SLIT3: variants seen among roughly 807,000 people sequenced by gnomAD.
SLIT3 encodes slit guidance ligand 3.
SLIT3 carries 68 observed loss-of-function variants against 184.0 expected under a neutral mutation model. The observed-to-expected ratio is 0.37, with a 90% CI of 0.30 to 0.45. The LOEUF is 0.45. Ranked by LOEUF, SLIT3 falls within the 20% of genes least tolerant of loss-of-function variation. The pLI is 1.00. For synonymous variants in SLIT3, 831 were observed against 828.6 expected (o/e 1.00, Z -0.05); for missense variants, 1,707 against 2,026.0 (o/e 0.84, Z 3.02).
At chr5:168,808,538 T>C (rs1757055253) in intron 8 of SLIT3, among the ~76,000 whole-genome samples, 1 of 152,148 alleles carries the variant, frequency 6.6e-6, no homozygotes, top group African/African-American at 2.4e-5. Flanking sequence ...CGGCACAGGG[T>C]AAGAGTTTGG....
At chr5:168,907,162 G>A (rs1761080084) in intron 4 of SLIT3, among the ~76,000 whole-genome samples, 1 of 152,088 alleles carries the variant, frequency 6.6e-6, no homozygotes, top group Admixed American at 6.6e-5. Flanking sequence ...CGCCCAGCTG[G>A]GATTTTTTTA....
At chr5:168,948,899 T>G in intron 4 of SLIT3, among the ~76,000 whole-genome samples, 1 of 152,184 alleles carries the variant, frequency 6.6e-6, no homozygotes, top group East Asian at 1.9e-4. Context: ...TCCTTTCTGG[T>G]CATCTGCTGA....
chr5:169,275,433 T>C (rs953834030), intron 1 of SLIT3, among the ~76,000 whole-genome samples: 1 of 152,202 alleles, frequency 6.6e-6, no homozygotes, highest in Non-Finnish European at 1.5e-5. Flanking sequence ...CTAGCTGCAG[T>C]GTCAGAGGGC....
At chr5:169,087,215 T>C (rs1396636902) in intron 4 of SLIT3, among the ~76,000 whole-genome samples, 1 of 152,188 alleles carries the variant, frequency 6.6e-6, no homozygotes, top group Non-Finnish European at 1.5e-5. Context: ...GGAGGCATCC[T>C]GCAGGGGGTG....
intron 8 of SLIT3, among the ~76,000 whole-genome samples, chr5:168,815,274 G>C (rs573026197): frequency 1.8e-3 from 273 of 152,346 alleles, no homozygotes; most frequent in African/African-American, 6.4e-3. Flanking sequence ...TGGAGGGTCA[G>C]CCTTTCTCCC....
intron 5 of SLIT3, among the ~76,000 whole-genome samples, chr5:168,863,494 T>G (rs1033293195): frequency 1.3e-5 from 2 of 152,212 alleles, no homozygotes; most frequent in Non-Finnish European, 2.9e-5. Context: ...ATACAAATAA[T>G]TCCCCTCATT....
chr5:169,015,673 A>G (rs1756335117), intron 4 of SLIT3, among the ~76,000 whole-genome samples: 1 of 152,090 alleles, frequency 6.6e-6, no homozygotes, highest in Non-Finnish European at 1.5e-5. Context: ...ATTCATGCTT[A>G]TAATCTCAGT....
chr5:168,814,297 G>A (rs1181599928), intron 8 of SLIT3, among the ~76,000 whole-genome samples: 1 of 152,168 alleles, frequency 6.6e-6, no homozygotes, highest in African/African-American at 2.4e-5. Context: ...TCAGGAGGCT[G>A]AGGCAGGAGA....
intron 4 of SLIT3, among the ~76,000 whole-genome samples, chr5:169,099,453 G>A (rs1459674741): frequency 6.6e-6 from 1 of 152,066 alleles, no homozygotes; most frequent in Non-Finnish European, 1.5e-5. Context: ...TAGACACTGG[G>A]GATGCAAAAA....
intron 4 of SLIT3, among the ~76,000 whole-genome samples, chr5:168,887,883 A>G (rs1391897237): frequency 2.0e-5 from 3 of 152,202 alleles, no homozygotes; most frequent in Non-Finnish European, 4.4e-5. Context: ...CCCAGGACAT[A>G]TGCCTTCAAC....
chr5:168,884,426 C>CACACAG (rs1760094423), intron 4 of SLIT3, among the ~76,000 whole-genome samples: 2 of 126,722 alleles, frequency 1.6e-5, no homozygotes, highest in African/African-American at 6.0e-5. Context: ...CTCTCTCTCT[C>CACACAG]TCACACACAC....
intron 4 of SLIT3, among the ~76,000 whole-genome samples, chr5:169,106,327 G>C (rs1316565463): frequency 1.3e-5 from 2 of 152,156 alleles, no homozygotes; most frequent in Non-Finnish European, 2.9e-5. Context: ...ACCACAGAGC[G>C]ACTAGTGCTG....
chr5:169,246,650 G>A (rs1032513781), intron 2 of SLIT3, among the ~76,000 whole-genome samples: 3 of 152,182 alleles, frequency 2.0e-5, no homozygotes, highest in Non-Finnish European at 4.4e-5. Flanking sequence ...GCCGGGTGCA[G>A]TAGCTTACTC....
chr5:168,675,923 CCAACCATCCATT>C (rs1440999348), intron 32 of SLIT3, among the ~76,000 whole-genome samples: 5 of 152,140 alleles, frequency 3.3e-5, no homozygotes, highest in South Asian at 2.1e-4. Context: ...ATCCAACTAT[CCAACCATCCATT>C]CAACCATCTA....
At chr5:168,837,224 C>G (rs1486868605) in intron 6 of SLIT3, among the ~76,000 whole-genome samples, 1 of 152,014 alleles carries the variant, frequency 6.6e-6, no homozygotes, top group Admixed American at 6.6e-5. Flanking sequence ...CAGCACAGTA[C>G]CAAAAGAAAA....
Position 168,975,248 on chromosome 5 carries a change from C to T in SLIT3, c.414-91912G>A, listed in dbSNP as rs1413691654. The stretch of plus-strand genomic sequence containing the variant: ...GACTCACCTCACCTGCCCAGGAAGC[C>T]CTGCAGCCACCGGGCTCTCCAGAGC... On this transcript the variant is annotated intron_variant, in intron 4 of 35. Transcript: ENST00000519560. Among the ~76,000 whole-genome samples the T allele has an allele frequency of 2.0e-5, 3 of 152,236 alleles. No individual in the cohort carries two copies. In the East Asian group the frequency reaches 5.8e-4, roughly 29 times the overall value.
intron 4 of SLIT3, among the ~76,000 whole-genome samples, chr5:169,115,546 C>T (rs1280905365): frequency 6.6e-6 from 1 of 152,102 alleles, no homozygotes; most frequent in South Asian, 2.1e-4. Context: ...GAAGCCAGGC[C>T]AGGGAGGGAT....
chr5:169,002,982 A>G (rs1755773646), intron 4 of SLIT3, among the ~76,000 whole-genome samples: 1 of 152,188 alleles, frequency 6.6e-6, no homozygotes, highest in African/African-American at 2.4e-5. Context: ...TCTTACTTAA[A>G]ATCATCTCAA....
chr5:168,849,171 G>A (rs1005395701), intron 5 of SLIT3, among the ~76,000 whole-genome samples: 14 of 152,144 alleles, frequency 9.2e-5, no homozygotes, highest in African/African-American at 1.9e-4. Flanking sequence ...AAGAAAAGTC[G>A]AATTCCAAAC....
Sources: gnomAD v4.1 joint callset for allele counts (sites outside exome capture counted in the v4.1 genomes callset) on GRCh38, gnomAD v4.1.1 for gene constraint, MANE v1.5 for transcripts, NCBI Gene and HGNC (gene_info 2026-07-23, HGNC 2026-07-21) for gene names.